The following ATXN1 variants were observed in gnomAD, a reference collection of about 807,000 sequenced individuals.
ATXN1 encodes ataxin-1.
In ATXN1, 8 loss-of-function variants were observed where a neutral mutation model predicts 56.4. That is an observed-to-expected ratio of 0.14 (90% confidence interval 0.08 to 0.26). The LOEUF is 0.26. ATXN1 is among the 10% of genes least tolerant of loss of function. The pLI, the probability that ATXN1 is intolerant of heterozygous loss-of-function variation, is 1.00. For missense variants in ATXN1, 987 were observed against 1,106.5 expected (o/e 0.89, Z 1.53); for synonymous variants, 514 against 494.6 (o/e 1.04, Z -0.52).
At chr6:16,714,433 T>A (rs1759597404) in intron 2 of ATXN1, among the ~76,000 whole-genome samples, 1 of 152,230 alleles carries the variant, frequency 6.6e-6, no homozygotes, top group Non-Finnish European at 1.5e-5. Flanking sequence ...GCTTTTCCAA[T>A]CTATTCCTTT....
At chr6:16,644,513 CAAAAAA>C (rs368108627) in intron 3 of ATXN1, among the ~76,000 whole-genome samples, 1 of 92,210 alleles carries the variant, frequency 1.1e-5, no homozygotes. Context: ...GACTCCGTTT[CAAAAAA>C]AAAAAAAAAA....
intron 2 of ATXN1, among the ~76,000 whole-genome samples, chr6:16,710,290 C>A (rs933457512): frequency 1.3e-5 from 2 of 152,154 alleles, no homozygotes; most frequent in Non-Finnish European, 2.9e-5. Context: ...ACATTCCTGG[C>A]AGAAATTCAT....
intron 5 of ATXN1, among the ~76,000 whole-genome samples, chr6:16,493,342 T>C (rs920856679): frequency 6.6e-6 from 1 of 152,156 alleles, no homozygotes; most frequent in Non-Finnish European, 1.5e-5. Context: ...CCCGCATTTC[T>C]ACTCCACGTG....
chr6:16,471,710 T>TGTGA (rs1002633039), intron 6 of ATXN1, among the ~76,000 whole-genome samples: 9 of 151,658 alleles, frequency 5.9e-5, no homozygotes, highest in Non-Finnish European at 1.3e-4. Flanking sequence ...TGTGTGTGTG[T>TGTGA]GAGACAGAAA....
At chr6:16,702,879 T>A (rs917360177) in intron 2 of ATXN1, among the ~76,000 whole-genome samples, 2 of 152,170 alleles carry the variant, frequency 1.3e-5, no homozygotes, top group Admixed American at 6.5e-5. Flanking sequence ...TTACACTGTT[T>A]GTGGGACTGT....
rs1351009255 is a variant in ATXN1, at chr6:16,304,703, T to C, written c.*1626A>G. The C allele has an allele frequency of 6.5e-6, 1 of 152,682 alleles. No homozygotes were observed. The highest frequency in any genetic ancestry group is 1.5e-5 in the Non-Finnish European group (1 of 68,046). The allele number at this position is 152,682 out of a possible 1,614,324, so 9.5% of individuals were successfully genotyped here. On this transcript the variant is annotated 3_prime_UTR_variant, in exon 8 of 8. Coordinates refer to ENST00000436367, the MANE Select transcript of ATXN1 (RefSeq NM_001128164.2). ...CAGGTTAGAAAGAAATTTTGCTACA[T>C]TTATTTATGCTCGTTCAGTCCCCCA... is the stretch of plus-strand genomic sequence containing the variant.
rs369556692 is a variant in ATXN1 at position 16,743,859 on chromosome 6, G to A, written c.-615+9374C>T. Among the ~76,000 whole-genome samples, 3 of 152,234 alleles carry A rather than the reference G, an allele frequency of 2.0e-5. No homozygotes were observed. In the East Asian group the frequency reaches 5.8e-4, roughly 29 times the overall value. On this transcript the variant is annotated intron_variant, in intron 2 of 7. Coordinates refer to ENST00000436367, the MANE Select transcript of ATXN1 (RefSeq NM_001128164.2). ...GTATGGCACTTGAAGGAGGAAGTGC[G>A]ATGGGACCGACGTGGGACGAATACA...
At chr6:16,333,436 T>C (rs1327079812) in intron 6 of ATXN1, among the ~76,000 whole-genome samples, 1 of 152,216 alleles carries the variant, frequency 6.6e-6, no homozygotes, top group Non-Finnish European at 1.5e-5. Context: ...GGGGAATATA[T>C]GCCCACTGAC....
At chr6:16,343,422 G>A (rs1169197204) in intron 6 of ATXN1, among the ~76,000 whole-genome samples, 7 of 152,060 alleles carry the variant, frequency 4.6e-5, no homozygotes, top group Non-Finnish European at 8.8e-5. Context: ...ACCACACAGC[G>A]CCCCGCTCCC....
At chr6:16,370,403 G>A (rs1012538645) in intron 6 of ATXN1, among the ~76,000 whole-genome samples, 3 of 152,172 alleles carry the variant, frequency 2.0e-5, no homozygotes, top group Non-Finnish European at 2.9e-5. Context: ...TTGCAGTGTC[G>A]TGAAAGAAAC....
chr6:16,648,861 C>CA (rs1002417241), intron 3 of ATXN1, among the ~76,000 whole-genome samples: 7 of 151,248 alleles, frequency 4.6e-5, no homozygotes, highest in South Asian at 4.2e-4. Context: ...GGCTATCATG[C>CA]AAAAAAAATG....
At chr6:16,454,125 C>CAAAAA (rs56277549) in intron 6 of ATXN1, among the ~76,000 whole-genome samples, 894 of 76,476 alleles carry the variant, frequency 0.012, 137 homozygotes, top group East Asian at 0.11. Flanking sequence ...GACTCTGTCT[C>CAAAAA]AAAAAAAAAA....
intron 2 of ATXN1, among the ~76,000 whole-genome samples, chr6:16,746,595 C>G (rs1012415160): frequency 2.0e-5 from 3 of 152,186 alleles, no homozygotes; most frequent in African/African-American, 7.2e-5. Context: ...ATACTGCATT[C>G]CACCTCCAGA....
chr6:16,554,766 T>A (rs182419980), intron 4 of ATXN1, among the ~76,000 whole-genome samples: 2 of 152,240 alleles, frequency 1.3e-5, no homozygotes, highest in Admixed American at 1.3e-4. Context: ...TTTTTTTGTA[T>A]TTTTAGTAGA....
intron 4 of ATXN1, among the ~76,000 whole-genome samples, chr6:16,555,692 T>C (rs1375115621): frequency 6.6e-6 from 1 of 152,232 alleles, no homozygotes; most frequent in African/African-American, 2.4e-5. Flanking sequence ...CTTTCTTTCC[T>C]GCCTGTCATG....
In ATXN1 at chr6:16,373,578, A is replaced by G. The variant is rs148136250; in HGVS notation, c.-160-45108T>C. 2.2e-3 allele frequency among the ~76,000 whole-genome samples: 337 copies of G among 152,196 alleles called. 4 individuals are homozygous for G. Among genetic ancestry groups the G allele is most frequent in the African/African-American group, 7.8e-3 (322 of 41,510 alleles). On this transcript the variant is annotated intron_variant, in intron 6 of 7. Transcript: ENST00000436367. ...ATCGTAGCTCCCACAATTCCCACAT[A>G]TTGTAGGAGGGACCTGCTGGGAGAC... is the stretch of plus-strand genomic sequence containing the variant.
intron 2 of ATXN1, among the ~76,000 whole-genome samples, chr6:16,669,986 A>G (rs1758507338): frequency 6.6e-6 from 1 of 151,864 alleles, no homozygotes; most frequent in Admixed American, 6.6e-5. Context: ...ATGACCCCCA[A>G]CCAAGAAAGG....
chr6:16,543,140 A>G (rs1761747024), intron 4 of ATXN1, among the ~76,000 whole-genome samples: 2 of 152,210 alleles, frequency 1.3e-5, no homozygotes, highest in Admixed American at 1.3e-4. Context: ...ATTTGAGTTT[A>G]CAAAATGCGA....
intron 6 of ATXN1, among the ~76,000 whole-genome samples, chr6:16,343,340 T>A (rs1581701760): frequency 6.6e-6 from 1 of 152,244 alleles, no homozygotes; most frequent in Middle Eastern, 3.4e-3. Context: ...CGAGACTCTG[T>A]CTCAAATAAA....
Sources: allele counts gnomAD v4.1 joint callset (sites outside exome capture counted in the v4.1 genomes callset), GRCh38; gene constraint gnomAD v4.1.1; transcripts MANE v1.5; gene names NCBI Gene and HGNC (gene_info 2026-07-23, HGNC 2026-07-21).